Variants in OSBPL7 observed in about 807,000 individuals in gnomAD.
The protein encoded by OSBPL7 is oxysterol-binding protein-related protein 7.
Under a neutral mutation model 115.8 loss-of-function variants are expected in OSBPL7, and 66 were observed. That is an observed-to-expected ratio of 0.57 (90% confidence interval 0.47 to 0.70). The LOEUF (loss-of-function observed/expected upper bound fraction) is 0.70. OSBPL7 is among the 30% of genes least tolerant of loss of function. The pLI, the probability that OSBPL7 is intolerant of heterozygous loss-of-function variation, is 0.00. For missense variants in OSBPL7, 902 were observed against 1,125.5 expected (o/e 0.80, Z 2.84); for synonymous variants, 441 against 439.2 (o/e 1.00, Z -0.05).
chr17:47,808,528 G>A lies in OSBPL7; in HGVS notation c.2420+10C>T. ...GGGGAGACCCAGGGCGGAGGGCGAG[G>A]CCGAGGCACCTGAAGAAGCGAGCCT... is the stretch of plus-strand genomic sequence containing the variant. On this transcript the variant is annotated intron_variant, in intron 22 of 22. Coordinates refer to ENST00000007414, the MANE Select transcript of OSBPL7 (RefSeq NM_145798.3). This position sits in a 1 kb window ranked among gnomAD's most constrained non-coding sequence, Gnocchi z 6.1. 6.2e-7 allele frequency: 1 copy of A among 1,614,194 alleles called. No individual in the cohort carries two copies.
Position 47,813,630 on chromosome 17 carries a change from A to C in OSBPL7, c.1556T>G (p.Leu519Arg), listed in dbSNP as rs1290005199. The change falls in exon 15 of 23, where the codon CTC becomes CGC. Residue 519 changes from leucine (L) to arginine (R), a missense_variant. Transcript: ENST00000007414. Reference protein sequence around the residue: ...RLCEELEYSSLLDQASRIADP... With the variant: ...RLCEELEYSSRLDQASRIADP... ...GGCGATGCGGCTGGCCTGGTCCAGG[A>C]GGCTGCTGTACTCCAGCTCCTCGCA... 6.2e-7 allele frequency: 1 copy of C among 1,612,826 alleles called. No individual in the cohort carries two copies. The highest frequency in any genetic ancestry group is 8.5e-7 in the Non-Finnish European group (1 of 1,179,956).
intron 13 of OSBPL7, 130 bp from the exon 14 acceptor site, chr17:47,814,744 C>T: frequency 1.3e-6 from 1 of 767,188 alleles, no homozygotes; most frequent in Non-Finnish European, 2.1e-6. Flanking sequence ...ATTGGGGGCA[C>T]TCTGAGCCCT....
intron 13 of OSBPL7, 24 bp from the exon 14 acceptor site, chr17:47,814,638 C>G: frequency 6.2e-7 from 1 of 1,609,860 alleles, no homozygotes; most frequent in South Asian, 1.1e-5. Context: ...GATGACAGGC[C>G]GGGCAGACTG....
chr17:47,814,314 G>A lies in OSBPL7; in HGVS notation c.1351+207C>T, dbSNP rs553897278. Among the ~76,000 whole-genome samples the A allele has an allele frequency of 1.2e-4, 19 of 152,322 alleles. No homozygotes were observed. In the South Asian group the frequency reaches 3.9e-3, roughly 32 times the overall value. Reference sequence around the variant, plus strand: ...TGCTGCAACAGAGGCCAGCCCCAAGGCCTGAGCCTGGCCCACCCCAGCAGA... The same window carrying A: ...TGCTGCAACAGAGGCCAGCCCCAAGACCTGAGCCTGGCCCACCCCAGCAGA... On this transcript the variant is annotated intron_variant, in intron 14 of 22. Coordinates refer to ENST00000007414, the MANE Select transcript of OSBPL7 (RefSeq NM_145798.3).
At chr17:47,812,154 A>AT (rs2033062966) in intron 16 of OSBPL7, among the ~76,000 whole-genome samples, 1 of 151,630 alleles carries the variant, frequency 6.6e-6, no homozygotes, top group Non-Finnish European at 1.5e-5. Flanking sequence ...TTTTTTCTCT[A>AT]TTTTTTCATA....
chr17:47,808,937 C>G lies in OSBPL7; in HGVS notation c.2224G>C (p.Glu742Gln), dbSNP rs1419333634. The G allele has an allele frequency of 6.2e-7, 1 of 1,614,222 alleles. No homozygotes were observed. Among genetic ancestry groups the G allele is most frequent in the East Asian group, 2.2e-5 (1 of 44,884 alleles). ...AGCTCTGCTGTCAGCTCATTCAGCT[C>G]CAAGGCAAACTGGGTGAAGCCGAAG... ...RNFGFTQFAL[E>Q]LNELTAELKR... is the part of the protein sequence containing the mutation. Residue 742 changes from glutamate to glutamine, a missense_variant, in exon 21 of 23, where the codon GAG (glutamate) becomes CAG (glutamine). Physicochemically the swap from Glu to Gln is conservative, Grantham distance 29. Transcript: ENST00000007414. The surrounding 1 kb of genome is among the most constrained non-coding windows in gnomAD (Gnocchi z 6.1).
intron 7 of OSBPL7, 99 bp downstream of exon 7, chr17:47,818,170 C>T: frequency 9.4e-7 from 1 of 1,064,418 alleles, no homozygotes; most frequent in Non-Finnish European, 1.4e-6. Flanking sequence ...TCTCATTAAA[C>T]TGGGGCTCCC....
intron 5 of OSBPL7, 39 bp from the exon 6 acceptor site, chr17:47,818,655 G>A (rs779218524): frequency 1.8e-5 from 28 of 1,542,512 alleles, no homozygotes; most frequent in Non-Finnish European, 2.4e-5. Context: ...TATCTGAAGA[G>A]AGGGACCACT....
In OSBPL7 at chr17:47,819,802, T is replaced by C; in HGVS notation, c.202-20A>G. The C allele has an allele frequency of 6.2e-7, 1 of 1,613,840 alleles. No individual in the cohort carries two copies. The highest frequency in any genetic ancestry group is 1.1e-5 in the South Asian group (1 of 91,068). Reference sequence around the variant, plus strand: ...GTATCTCTGTGATGTTGCCCAGGAGTGACAGGACCCGGGAGGCCGAGAGGA... The same window carrying C: ...GTATCTCTGTGATGTTGCCCAGGAGCGACAGGACCCGGGAGGCCGAGAGGA... On this transcript the variant is annotated intron_variant, in intron 3 of 22. Transcript: ENST00000007414.
At chr17:47,818,157 C>T (rs937801420) in intron 7 of OSBPL7, 112 bp downstream of exon 7, 9 of 897,066 alleles carry the variant, frequency 1.0e-5, no homozygotes, top group African/African-American at 1.7e-5. Context: ...GAGGCAGAGG[C>T]TGTCTCATTA....
rs750301251 is a variant in OSBPL7 at position 47,818,511 on chromosome 17, G to T, written c.475C>A (p.Arg159=). 6.3e-7 allele frequency: 1 copy of T among 1,599,022 alleles called. No individual in the cohort carries two copies. Among genetic ancestry groups the T allele is most frequent in the African/African-American group, 1.3e-5 (1 of 74,750 alleles). ...CACCCCAGGGTCCACCTTACCTTCC[G>T]GTGAGCAGTACTGGGCAGTGAGCCA... is the stretch of plus-strand genomic sequence containing the variant. ...PRGSLPSTAH[R]KVPGAQLPTA... is the part of the protein sequence containing the mutation. Residue 159 remains arginine, a synonymous_variant, in exon 6 of 23, where the codon CGG becomes AGG. Transcript: ENST00000007414.
chr17:47,819,576 C>T (rs562638641), intron 4 of OSBPL7, 153 bp downstream of exon 4: 4 of 869,426 alleles, frequency 4.6e-6, no homozygotes, highest in Admixed American at 1.9e-5. Flanking sequence ...GAAGCTATGG[C>T]CCAGGGATGT....
rs1368436490 is a variant in OSBPL7 at position 47,809,430 on chromosome 17, A to C, written c.1929T>G (p.Asn643Lys). 1 of 1,613,822 alleles carries C rather than the reference A, an allele frequency of 6.2e-7. No individual in the cohort carries two copies. Among genetic ancestry groups the C allele is most frequent in the Non-Finnish European group, 8.5e-7 (1 of 1,179,798 alleles). Residue 643 changes from asparagine to lysine, a missense_variant, in exon 19 of 23, where the codon AAT becomes AAG. Physicochemically the swap from Asn to Lys is moderately conservative, Grantham distance 94 (BLOSUM62 0). Coordinates refer to ENST00000007414, the MANE Select transcript of OSBPL7 (RefSeq NM_145798.3). ...CGATCCAGCGCTGACCACTCAGGAC[A>C]TTGTGAATGCAGGATGTCACCTTGT... ...EWNKVTSCIH[N>K]VLSGQRWIEH...
rs1245627971 is a variant in OSBPL7, at chr17:47,809,005, G to C, written c.2171-15C>G. 3 of 1,613,942 alleles carry C rather than the reference G, an allele frequency of 1.9e-6. No homozygotes were observed. Among genetic ancestry groups the C allele is most frequent in the Non-Finnish European group, 2.5e-6 (3 of 1,179,954 alleles). ...GGGCATTGAGTCTGGGGGAAGGCAA[G>C]GGGCTGGGGCAGGTGCACCATGCCT... is the stretch of plus-strand genomic sequence containing the variant. On this transcript the variant is annotated splice_polypyrimidine_tract_variant and intron_variant, in intron 20 of 22. Coordinates refer to ENST00000007414, the MANE Select transcript of OSBPL7 (RefSeq NM_145798.3).
At chr17:47,814,962 G>C (rs1045569841) in intron 13 of OSBPL7, 1 of 568,500 alleles carries the variant, frequency 1.8e-6, no homozygotes, top group South Asian at 2.4e-5. Flanking sequence ...GAAGATGACC[G>C]GGGTTGCAAC....
In OSBPL7 at chr17:47,820,245, G is replaced by C. The variant is rs200554450; in HGVS notation, c.34C>G (p.Pro12Ala). ...DFQERDPPFL[P>A]ESAQSSKPSS... ...GGCTTTGAGGACTGAGCGCTCTCAGGCAGGAAGGGCGGGTCCCTCTCTTGG... is the reference window on the plus strand; with the variant it reads ...GGCTTTGAGGACTGAGCGCTCTCAGCCAGGAAGGGCGGGTCCCTCTCTTGG... Residue 12 changes from proline to alanine, a missense_variant, in exon 2 of 23, where the codon CCT becomes GCT. Around this residue, in one of 3 missense-constraint regions of OSBPL7, gnomAD observed 667 missense variants for 788.7 expected, o/e 0.85. Coordinates refer to ENST00000007414, the MANE Select transcript of OSBPL7 (RefSeq NM_145798.3). 2.5e-6 allele frequency: 4 copies of C among 1,614,034 alleles called. No individual in the cohort carries two copies. The highest frequency in any genetic ancestry group is 3.4e-6 in the Non-Finnish European group (4 of 1,179,984).
intron 12 of OSBPL7, 88 bp from the exon 13 acceptor site, chr17:47,815,440 G>A: frequency 3.2e-6 from 5 of 1,553,710 alleles, no homozygotes; most frequent in Non-Finnish European, 4.4e-6. Context: ...GTTCCCTTGA[G>A]AGGGAGGCAT....
At position 47,818,636 on chromosome 17, in the gene OSBPL7, G is replaced by T; in HGVS notation, c.370-20C>A. 1.3e-6 allele frequency: 2 copies of T among 1,599,450 alleles called. No individual in the cohort carries two copies. Among genetic ancestry groups the T allele is most frequent in the African/African-American group, 1.3e-5 (1 of 74,782 alleles). On this transcript the variant is annotated intron_variant, in intron 5 of 22. Coordinates refer to ENST00000007414, the MANE Select transcript of OSBPL7 (RefSeq NM_145798.3). ...TTTGATCTGCAGAAGTGATGGAGAG[G>T]GGGAGGGCTATCTGAAGAGAGGGAC...
At chr17:47,809,526 A>G (rs1193686033) in intron 18 of OSBPL7, 48 bp from the exon 19 acceptor site, 1 of 1,585,868 alleles carries the variant, frequency 6.3e-7, no homozygotes, top group Non-Finnish European at 8.6e-7. Context: ...CCCAGGGAAC[A>G]AGTGAGTCAG....
Sources: allele counts gnomAD v4.1 joint callset (sites outside exome capture counted in the v4.1 genomes callset), GRCh38; gene constraint gnomAD v4.1.1; regional missense constraint gnomAD v4.1.1; non-coding constraint Gnocchi (gnomAD v3.1); transcripts MANE v1.5; gene names NCBI Gene and HGNC (gene_info 2026-07-23, HGNC 2026-07-21).